Variants in MYO1B observed in about 807,000 individuals in gnomAD.
MYO1B encodes unconventional myosin-Ib.
A neutral mutation model predicts 159.7 loss-of-function variants in MYO1B; 72 were observed. The ratio of observed to expected loss-of-function variants is 0.45; its 90% CI spans 0.37 to 0.55. The LOEUF is 0.55. Ranked by LOEUF, MYO1B falls within the 20% of genes least tolerant of loss-of-function variation. MYO1B has a pLI of 0.00. For missense variants in MYO1B, 1,062 were observed against 1,364.8 expected (o/e 0.78, Z 3.50); for synonymous variants, 468 against 473.8 (o/e 0.99, Z 0.16).
chr2:191,265,018 A>G (rs1687047849), intron 1 of MYO1B, among the ~76,000 whole-genome samples: 1 of 152,052 alleles, frequency 6.6e-6, no homozygotes, highest in Admixed American at 6.6e-5. Context: ...TGTTTTTTCC[A>G]GAACCACTGC....
intron 2 of MYO1B, among the ~76,000 whole-genome samples, chr2:191,278,525 T>A (rs1426516577): frequency 6.6e-6 from 1 of 152,206 alleles, no homozygotes; most frequent in Non-Finnish European, 1.5e-5. Flanking sequence ...TCTCACTTTG[T>A]ATTGGTGGAG....
rs572734228 is a variant in MYO1B at position 191,386,028 on chromosome 2, C to T, written c.1498C>T (p.Leu500Phe). Residue 500 changes from leucine (L) to phenylalanine (F), a missense_variant, in exon 16 of 31, where the codon CTC becomes TTC. By Grantham distance (22) the Leu-to-Phe change is conservative (BLOSUM62 0). Transcript: ENST00000392318. ...CAGGATGAGCAAGTGCTCTCGGTTC[C>T]TCAATGACACGTCTCTGCCTCACAG... ...ESRMSKCSRF[L>F]NDTSLPHSCF... is the part of the protein sequence containing the mutation. 2 of 1,614,118 alleles carry T rather than the reference C, an allele frequency of 1.2e-6. No homozygotes were observed. Among genetic ancestry groups the T allele is most frequent in the East Asian group, 2.2e-5 (1 of 44,886 alleles).
rs142576804 is a variant in MYO1B, at chr2:191,265,129, A to T, written c.-9-11758A>T. ...ACCTACAAACAAGAATAGTGCACTA[A>T]ATTCAGTACATTTCTCTCCATTGTC... On this transcript the variant is annotated intron_variant, in intron 1 of 30. Transcript: ENST00000392318. 7.2e-4 allele frequency among the ~76,000 whole-genome samples: 110 copies of T among 151,994 alleles called. 1 individual carries two copies. The highest frequency in any genetic ancestry group is 3.5e-3 in the Middle Eastern group (1 of 288).
At chr2:191,358,752 G>A (rs1381326323) in intron 7 of MYO1B, among the ~76,000 whole-genome samples, 1 of 152,242 alleles carries the variant, frequency 6.6e-6, no homozygotes, top group East Asian at 1.9e-4. Flanking sequence ...GAGGACAGCA[G>A]CTCACCTCGT....
intron 1 of MYO1B, among the ~76,000 whole-genome samples, chr2:191,274,986 C>A (rs1324240842): frequency 6.6e-6 from 1 of 152,160 alleles, no homozygotes; most frequent in African/African-American, 2.4e-5. Flanking sequence ...CGGCTCACTG[C>A]AAGCTCTGCC....
intron 8 of MYO1B, 44 bp from the exon 9 acceptor site, chr2:191,362,224 G>C: frequency 1.4e-6 from 2 of 1,453,242 alleles, no homozygotes; most frequent in Non-Finnish European, 1.9e-6. Flanking sequence ...TTAAAGATTG[G>C]ATTTATTGAA....
chr2:191,392,092 A>AT lies in MYO1B; in HGVS notation c.1983-11dup. On this transcript the variant is annotated splice_polypyrimidine_tract_variant and intron_variant, in intron 18 of 30. Coordinates refer to ENST00000392318, the MANE Select transcript of MYO1B (RefSeq NM_001130158.3). Reference sequence around the variant, plus strand: ...GTAACTCAGAAAACTCACTGTTTTTATTTTTATTTTTTTAGGTCTGGTGTG... The same window carrying AT: ...GTAACTCAGAAAACTCACTGTTTTTATTTTTTATTTTTTTAGGTCTGGTGTG... 1 of 1,575,442 alleles carries AT rather than the reference A, an allele frequency of 6.3e-7. No individual in the cohort carries two copies. Among genetic ancestry groups the AT allele is most frequent in the South Asian group, 1.2e-5 (1 of 86,660 alleles).
At chr2:191,273,032 G>C (rs1348574510) in intron 1 of MYO1B, among the ~76,000 whole-genome samples, 1 of 152,222 alleles carries the variant, frequency 6.6e-6, no homozygotes, top group Non-Finnish European at 1.5e-5. Flanking sequence ...AAACTTGAGA[G>C]ATGGGAGCAA....
intron 5 of MYO1B, among the ~76,000 whole-genome samples, chr2:191,342,965 A>T (rs973411261): frequency 6.6e-6 from 1 of 152,048 alleles, no homozygotes; most frequent in Non-Finnish European, 1.5e-5. Context: ...CATATTTGTT[A>T]TGGTGGAGTA....
intron 21 of MYO1B, among the ~76,000 whole-genome samples, chr2:191,398,904 C>T (rs1696395775): frequency 6.6e-6 from 1 of 152,224 alleles, no homozygotes; most frequent in South Asian, 2.1e-4. Flanking sequence ...CTTTGGGAGG[C>T]CAAGGCAGGC....
intron 2 of MYO1B, among the ~76,000 whole-genome samples, chr2:191,278,541 G>A (rs1481317822): frequency 6.6e-6 from 1 of 152,216 alleles, no homozygotes; most frequent in Non-Finnish European, 1.5e-5. Flanking sequence ...TGGAGGTGGG[G>A]GAAGGTTGAT....
At position 191,406,220 on chromosome 2, in the gene MYO1B, T is replaced by C. The variant is rs1696908487; in HGVS notation, c.2557-1895T>C. Among the ~76,000 whole-genome samples, 4 of 152,256 alleles carry C rather than the reference T, an allele frequency of 2.6e-5. No individual in the cohort carries two copies. In the South Asian group the frequency reaches 8.3e-4, roughly 32 times the overall value. ...GACATTGCTCTGGATTAGGCATTGC[T>C]TAGAGGATATTGTGGCTGGTTTGAT... On this transcript the variant is annotated intron_variant, in intron 24 of 30. Coordinates refer to ENST00000392318, the MANE Select transcript of MYO1B (RefSeq NM_001130158.3).
chr2:191,351,862 G>T (rs1422845709), intron 7 of MYO1B, among the ~76,000 whole-genome samples: 1 of 152,184 alleles, frequency 6.6e-6, no homozygotes, highest in Non-Finnish European at 1.5e-5. Flanking sequence ...TCCAACCTGG[G>T]TGACAGAGTG....
At chr2:191,330,070 G>A (rs770733968) in intron 4 of MYO1B, 41 bp downstream of exon 4, 14 of 1,563,412 alleles carry the variant, frequency 9.0e-6, no homozygotes, top group East Asian at 2.3e-5. Context: ...GGTAAATGCT[G>A]CACAGAATGA....
At chr2:191,389,823 A>G (rs1036291067) in intron 17 of MYO1B, among the ~76,000 whole-genome samples, 2 of 152,222 alleles carry the variant, frequency 1.3e-5, no homozygotes, top group African/African-American at 4.8e-5. Context: ...AGATGTATGT[A>G]CTTGTGTTAC....
At position 191,254,224 on chromosome 2, in the gene MYO1B, T is replaced by A. The variant is rs137915211; in HGVS notation, c.-10+8598T>A. On this transcript the variant is annotated intron_variant, in intron 1 of 30. Coordinates refer to ENST00000392318, the MANE Select transcript of MYO1B (RefSeq NM_001130158.3). Reference sequence around the variant, plus strand: ...CACTTTATTTTTATTTATTTATTTATTTTTTGAGACAGAGTTTCGCTCTTG... The same window carrying A: ...CACTTTATTTTTATTTATTTATTTAATTTTTGAGACAGAGTTTCGCTCTTG... Among the ~76,000 whole-genome samples the A allele has an allele frequency of 6.1e-3, 933 of 152,272 alleles. 10 individuals are homozygous for A. The highest frequency in any genetic ancestry group is 0.021 in the African/African-American group (880 of 41,536).
chr2:191,326,782 G>A (rs1320994652), intron 3 of MYO1B, among the ~76,000 whole-genome samples: 2 of 138,058 alleles, frequency 1.4e-5, no homozygotes, highest in African/African-American at 3.3e-5. Context: ...GTGTGTGTGT[G>A]TGTGTGTGTG....
chr2:191,356,260 A>G (rs185805799), intron 7 of MYO1B, among the ~76,000 whole-genome samples: 4 of 151,664 alleles, frequency 2.6e-5, no homozygotes, highest in Non-Finnish European at 5.9e-5. Context: ...TCTGTTTTTA[A>G]TCTGCCTTTT....
chr2:191,388,411 C>CT (rs1366097199), intron 17 of MYO1B: 7 of 151,960 alleles, frequency 4.6e-5, no homozygotes, highest in African/African-American at 1.7e-4. Context: ...ATTTGGTGAG[C>CT]TAGATAGTAG....
Sources: allele counts gnomAD v4.1 joint callset (sites outside exome capture counted in the v4.1 genomes callset), GRCh38; gene constraint gnomAD v4.1.1; transcripts MANE v1.5; gene names NCBI Gene and HGNC (gene_info 2026-07-23, HGNC 2026-07-21).